STT3B: variants seen among roughly 807,000 people sequenced by gnomAD.
STT3B encodes the protein STT3 oligosaccharyltransferase complex catalytic subunit B, also known as dolichyl-diphosphooligosaccharide--protein glycosyltransferase subunit STT3B.
In STT3B, 29 loss-of-function variants were observed where a neutral mutation model predicts 96.8. The observed-to-expected ratio is 0.30, with a 90% CI of 0.22 to 0.41. The LOEUF (loss-of-function observed/expected upper bound fraction) is 0.41, where lower values mean the gene tolerates loss of function less well. Ranked by LOEUF, STT3B falls within the 10% of genes least tolerant of loss-of-function variation. The probability of loss-of-function intolerance (pLI) is 1.00; values close to 1 mark genes in which losing one functional copy is unlikely to be tolerated. For missense variants in STT3B, 640 were observed against 1,022.3 expected, an observed-to-expected ratio of 0.63 and a Z score of 5.10; for synonymous variants, 367 against 360.0, an observed-to-expected ratio of 1.02 and a Z score of -0.22.
At chr3:31,625,766 TA>T (rs1304800856) in intron 12 of STT3B, among the ~76,000 whole-genome samples, 187 bp from the exon 13 acceptor site, 1 of 152,188 alleles carries the variant, frequency 6.6e-6, no homozygotes, top group Non-Finnish European at 1.5e-5. Flanking sequence ...GACTGTAAAT[TA>T]GTTATAGTAG....
chr3:31,580,410 G>T (rs866473682), intron 3 of STT3B, among the ~76,000 whole-genome samples: 1 of 152,092 alleles, frequency 6.6e-6, no homozygotes, highest in Non-Finnish European at 1.5e-5. Context: ...TTGAAGCATG[G>T]TTTGATGGCT....
chr3:31,613,581 A>G (rs2125470931), intron 5 of STT3B, among the ~76,000 whole-genome samples: 1 of 152,170 alleles, frequency 6.6e-6, no homozygotes. Flanking sequence ...GAGGAAACTG[A>G]AGCTTTTGCT....
At chr3:31,618,450 T>C (rs1699358880) in intron 8 of STT3B, among the ~76,000 whole-genome samples, 1 of 151,892 alleles carries the variant, frequency 6.6e-6, no homozygotes, top group African/African-American at 2.4e-5. Context: ...TATATATCTG[T>C]TGTGGTTTTT....
intron 8 of STT3B, among the ~76,000 whole-genome samples, chr3:31,618,400 A>G (rs181793328): frequency 1.4e-4 from 21 of 151,646 alleles, no homozygotes; most frequent in Non-Finnish European, 2.9e-5. Flanking sequence ...CATCTGATCT[A>G]AGTTTTTTTG....
At chr3:31,612,630 C>G (rs1341040981) in intron 5 of STT3B, among the ~76,000 whole-genome samples, 1 of 152,188 alleles carries the variant, frequency 6.6e-6, no homozygotes, top group Non-Finnish European at 1.5e-5. Context: ...GCATCTGCTT[C>G]TGTATAAAAT....
chr3:31,543,022 C>T (rs1267096078), intron 1 of STT3B, among the ~76,000 whole-genome samples: 6 of 138,724 alleles, frequency 4.3e-5, no homozygotes, highest in African/African-American at 7.9e-5. Flanking sequence ...GCCGAGATTG[C>T]GCCACTGCAC....
chr3:31,567,885 T>C (rs569980143), intron 1 of STT3B, among the ~76,000 whole-genome samples: 13 of 152,308 alleles, frequency 8.5e-5, no homozygotes, highest in African/African-American at 3.1e-4. Context: ...TATTTTAAAA[T>C]ATGTGCTAAA....
intron 1 of STT3B, among the ~76,000 whole-genome samples, chr3:31,549,258 C>CT (rs1301186521): frequency 2.6e-5 from 4 of 151,180 alleles, no homozygotes; most frequent in African/African-American, 7.3e-5. Context: ...TAGGAACATA[C>CT]TTTTTTTTTC....
At chr3:31,565,993 C>A (rs906635087) in intron 1 of STT3B, among the ~76,000 whole-genome samples, 1 of 151,972 alleles carries the variant, frequency 6.6e-6, no homozygotes. Flanking sequence ...TCTATAGATA[C>A]GCATGCCATT....
intron 13 of STT3B, 71 bp from the exon 14 acceptor site, chr3:31,629,227 G>A: frequency 1.2e-6 from 1 of 861,898 alleles, no homozygotes; most frequent in Non-Finnish European, 1.9e-6. Context: ...ACAGGGAAAT[G>A]AAAAGAGGAA....
In STT3B at chr3:31,587,274, T is replaced by C. The variant is rs185881192; in HGVS notation, c.711+7178T>C. Among the ~76,000 whole-genome samples, 187 of 129,444 alleles carry C rather than the reference T, an allele frequency of 1.4e-3. 2 individuals carry two copies. Among genetic ancestry groups the C allele is most frequent in the Middle Eastern group, 8.2e-3 (2 of 244 alleles). The allele number at this position is 129,444 out of a possible 152,430, so 84.9% of individuals were successfully genotyped here. A position where few individuals can be genotyped will look rare whatever the true frequency, so the allele number is the denominator to read the frequency against. ...GAACATTTTAACACTCCAAAAAGCC[T>C]CGCCCATGATCAGTGACTTTCCATT... On this transcript the variant is annotated intron_variant, in intron 3 of 15. Coordinates refer to ENST00000295770, the MANE Select transcript of STT3B (RefSeq NM_178862.3).
At chr3:31,542,069 T>C (rs1697288296) in intron 1 of STT3B, among the ~76,000 whole-genome samples, 1 of 152,058 alleles carries the variant, frequency 6.6e-6, no homozygotes, top group Non-Finnish European at 1.5e-5. Flanking sequence ...ACAACTTTGT[T>C]TTAAGGTACT....
At chr3:31,611,062 G>C (rs77445812) in intron 5 of STT3B, among the ~76,000 whole-genome samples, 4,072 of 152,246 alleles carry the variant, frequency 0.027, 182 homozygotes, top group African/African-American at 0.093. Context: ...TGTAATAGAT[G>C]GGTATAGTAG....
At chr3:31,568,727 TTTG>T (rs1698069811) in intron 1 of STT3B, among the ~76,000 whole-genome samples, 1 of 152,208 alleles carries the variant, frequency 6.6e-6, no homozygotes, top group Non-Finnish European at 1.5e-5. Flanking sequence ...ATGAGATTTC[TTTG>T]TTGTTGTTTT....
At chr3:31,538,779 T>C (rs1390622123) in intron 1 of STT3B, among the ~76,000 whole-genome samples, 1 of 152,168 alleles carries the variant, frequency 6.6e-6, no homozygotes, top group African/African-American at 2.4e-5. Context: ...CCTGCTACTC[T>C]GTCTTCAACC....
intron 1 of STT3B, among the ~76,000 whole-genome samples, chr3:31,574,692 A>G (rs903779368): frequency 6.6e-6 from 1 of 152,150 alleles, no homozygotes; most frequent in African/African-American, 2.4e-5. Flanking sequence ...CTGATTTTAA[A>G]ATTCCCCTCA....
intron 10 of STT3B, among the ~76,000 whole-genome samples, chr3:31,623,155 C>T (rs1308553145): frequency 1.3e-5 from 2 of 151,862 alleles, no homozygotes; most frequent in Non-Finnish European, 2.9e-5. Context: ...CTTCCCTTTT[C>T]TGTTGGGGAA....
At chr3:31,629,552 A>C in intron 14 of STT3B, 141 bp downstream of exon 14, 1 of 493,720 alleles carries the variant, frequency 2.0e-6, no homozygotes. Flanking sequence ...TTTTTCATTA[A>C]ATTTAGATTT....
chr3:31,544,219 A>G lies in STT3B; in HGVS notation c.314+10907A>G, dbSNP rs188675958. On this transcript the variant is annotated intron_variant, in intron 1 of 15. Transcript: ENST00000295770. ...TTAATTAATATGCAAATTAAGCAAC[A>G]CTTTAGGAAACCATCACAGCTCTGA... is the stretch of plus-strand genomic sequence containing the variant. Among the ~76,000 whole-genome samples the G allele has an allele frequency of 5.0e-3, 764 of 152,328 alleles. 5 individuals are homozygous for G. The highest frequency in any genetic ancestry group is 7.6e-3 in the Admixed American group (117 of 15,306).
Sources: allele counts gnomAD v4.1 joint callset (sites outside exome capture counted in the v4.1 genomes callset), GRCh38; gene constraint gnomAD v4.1.1; transcripts MANE v1.5; gene names NCBI Gene and HGNC (gene_info 2026-07-23, HGNC 2026-07-21).